Variants in ARHGAP35 observed in about 807,000 individuals in gnomAD.
The protein encoded by ARHGAP35 is rho GTPase-activating protein 35.
A neutral mutation model predicts 111.1 loss-of-function variants in ARHGAP35; 15 were observed. The observed-to-expected ratio is 0.13, with a 90% confidence interval of 0.09 to 0.21. ARHGAP35 has a LOEUF of 0.21. ARHGAP35 is among the 10% of genes least tolerant of loss of function. The pLI is 1.00. For missense variants in ARHGAP35, 1,262 were observed against 1,873.0 expected, an observed-to-expected ratio of 0.67 and a Z score of 6.02; for synonymous variants, 643 against 710.3, an observed-to-expected ratio of 0.91 and a Z score of 1.51.
At position 47,002,212 on chromosome 19, in the gene ARHGAP35, A is replaced by G. The variant is rs1568493147; in HGVS notation, c.*1524A>G. ...AGCCCTTGGGGCTCGTTGCACTTTA[A>G]GAAATAGGATCTGTGGTGTATTCCA... On this transcript the variant is annotated 3_prime_UTR_variant, in exon 7 of 7. Coordinates refer to ENST00000672722, the MANE Select transcript of ARHGAP35 (RefSeq NM_004491.5). 1 of 152,724 alleles carries G rather than the reference A, an allele frequency of 6.5e-6. No homozygotes were observed. The highest frequency in any genetic ancestry group is 6.5e-5 in the Admixed American group (1 of 15,292). The allele number at this position is 152,724 out of a possible 1,614,324, so 9.5% of individuals were successfully genotyped here. A position where few individuals can be genotyped will look rare whatever the true frequency, so the allele number is the denominator to read the frequency against.
chr19:46,864,557 A>G (rs1488410526), intron 1 of ARHGAP35, among the ~76,000 whole-genome samples: 1 of 152,250 alleles, frequency 6.6e-6, no homozygotes, highest in Non-Finnish European at 1.5e-5. Context: ...CATTTGAAAT[A>G]AAAACATTCA....
intron 1 of ARHGAP35, among the ~76,000 whole-genome samples, chr19:46,905,372 CTT>C (rs746861698): frequency 1.3e-4 from 18 of 135,486 alleles, no homozygotes; most frequent in Admixed American, 3.0e-4. Context: ...AGAACTTAAA[CTT>C]TTTTTTTTTT....
intron 3 of ARHGAP35, among the ~76,000 whole-genome samples, chr19:46,968,195 G>A (rs536977615): frequency 1.2e-4 from 19 of 152,338 alleles, no homozygotes; most frequent in African/African-American, 4.6e-4. Context: ...AGAAAGGGAG[G>A]AGGAAGAAGA....
chr19:47,000,733 CG>C lies in ARHGAP35; in HGVS notation c.*49del. 1.3e-6 allele frequency: 2 copies of C among 1,527,088 alleles called. No homozygotes were observed. Among genetic ancestry groups the C allele is most frequent in the Non-Finnish European group, 1.8e-6 (2 of 1,134,416 alleles). The allele number at this position is 1,527,088 out of a possible 1,614,324, so 94.6% of individuals were successfully genotyped here. A position where few individuals can be genotyped will look rare whatever the true frequency, so the allele number is the denominator to read the frequency against. On this transcript the variant is annotated 3_prime_UTR_variant, in exon 7 of 7. Transcript: ENST00000672722. The surrounding 1 kb of genome is among the most constrained non-coding windows in gnomAD (Gnocchi z 6.9). Reference sequence around the variant, plus strand: ...ACAGGAGAACCGGTCCTCTCTCTGACGGGGTGGCATTTGGCCTTGAACAAAA... The same window carrying C: ...ACAGGAGAACCGGTCCTCTCTCTGACGGGTGGCATTTGGCCTTGAACAAAA...
At chr19:46,891,434 GTT>G (rs559523497) in intron 1 of ARHGAP35, among the ~76,000 whole-genome samples, 1 of 135,774 alleles carries the variant, frequency 7.4e-6, no homozygotes. Flanking sequence ...TTTTTTTTTT[GTT>G]TTTTTTTTTT....
chr19:46,983,054 CAAAAAAAA>C (rs71179281), intron 3 of ARHGAP35, among the ~76,000 whole-genome samples: 27 of 47,652 alleles, frequency 5.7e-4, no homozygotes, highest in East Asian at 2.7e-3. Flanking sequence ...ACCTTGTGTA[CAAAAAAAA>C]AAAAAAAAAA....
intron 1 of ARHGAP35, among the ~76,000 whole-genome samples, chr19:46,882,806 T>C (rs531951532): frequency 6.6e-6 from 1 of 152,340 alleles, no homozygotes; most frequent in African/African-American, 2.4e-5. Flanking sequence ...TCCAGCTTCA[T>C]CCATGTCCCT....
At chr19:46,904,879 A>C (rs1417370943) in intron 1 of ARHGAP35, among the ~76,000 whole-genome samples, 1 of 152,108 alleles carries the variant, frequency 6.6e-6, no homozygotes, top group African/African-American at 2.4e-5. Context: ...ACTTGCCCCC[A>C]GCGTCTCCCA....
intron 5 of ARHGAP35, among the ~76,000 whole-genome samples, chr19:46,998,767 G>A (rs1037582526): frequency 7.2e-5 from 11 of 152,254 alleles, no homozygotes; most frequent in Non-Finnish European, 1.3e-4. Context: ...CTTTGGTGAA[G>A]TGCATAAGAA....
In ARHGAP35 at chr19:46,994,244, T is replaced by C. The variant is rs960238584; in HGVS notation, c.4036+4569T>C. Reference sequence around the variant, plus strand: ...GAGCCCATTGCCCCTGCTGTTTCTTTGGCCAGTGTAGACACCTGGCCGGGC... The same window carrying C: ...GAGCCCATTGCCCCTGCTGTTTCTTCGGCCAGTGTAGACACCTGGCCGGGC... On this transcript the variant is annotated intron_variant, in intron 5 of 6. Transcript: ENST00000672722. This position sits in a 1 kb window ranked among gnomAD's most constrained non-coding sequence, Gnocchi z 5.4. Among the ~76,000 whole-genome samples, 4 of 152,130 alleles carry C rather than the reference T, an allele frequency of 2.6e-5. No homozygotes were observed. Among genetic ancestry groups the C allele is most frequent in the African/African-American group, 7.2e-5 (3 of 41,446 alleles).
intron 2 of ARHGAP35, among the ~76,000 whole-genome samples, chr19:46,923,883 T>G (rs911252121): frequency 2.7e-5 from 4 of 149,902 alleles, no homozygotes; most frequent in African/African-American, 9.9e-5. Context: ...TTCACGACAC[T>G]GTATTCCAGC....
chr19:46,949,557 C>T (rs1373930819), intron 3 of ARHGAP35, among the ~76,000 whole-genome samples: 2 of 152,172 alleles, frequency 1.3e-5, no homozygotes, highest in Non-Finnish European at 2.9e-5. Context: ...AAAAAGGGGT[C>T]TCATGTGACT....
chr19:46,864,008 C>T (rs1390094537), intron 1 of ARHGAP35, among the ~76,000 whole-genome samples: 3 of 152,238 alleles, frequency 2.0e-5, no homozygotes, highest in Admixed American at 1.3e-4. Context: ...ATTGCAGGCA[C>T]TCCCTGCCAC....
chr19:46,904,233 C>G (rs1323657942), intron 1 of ARHGAP35, among the ~76,000 whole-genome samples: 1 of 152,214 alleles, frequency 6.6e-6, no homozygotes, highest in Non-Finnish European at 1.5e-5. Flanking sequence ...GCTTCCGCAT[C>G]TGTGACGTGA....
At chr19:46,861,538 A>G (rs867087320) in intron 1 of ARHGAP35, among the ~76,000 whole-genome samples, 9 of 135,056 alleles carry the variant, frequency 6.7e-5, no homozygotes, top group Middle Eastern at 4.3e-3. Flanking sequence ...CCGGTTCCCA[A>G]TTCTGCGCCC....
intron 1 of ARHGAP35, among the ~76,000 whole-genome samples, chr19:46,905,561 C>T (rs910829556): frequency 6.8e-6 from 1 of 146,382 alleles, no homozygotes; most frequent in Non-Finnish European, 1.5e-5. Flanking sequence ...TTCCACCCCC[C>T]CCCCCCAAGA....
At chr19:46,996,441 C>T (rs2056708006) in intron 5 of ARHGAP35, among the ~76,000 whole-genome samples, 1 of 151,668 alleles carries the variant, frequency 6.6e-6, no homozygotes, top group South Asian at 2.1e-4. Context: ...ACTCCCACCC[C>T]TGCCCCTCCC....
chr19:46,888,221 G>C (rs1271609496), intron 1 of ARHGAP35, among the ~76,000 whole-genome samples: 2 of 133,108 alleles, frequency 1.5e-5, no homozygotes, highest in African/African-American at 5.6e-5. Context: ...CAAAGTGCTG[G>C]GGTTACAGGC....
intron 3 of ARHGAP35, among the ~76,000 whole-genome samples, chr19:46,959,139 C>T (rs1265603698): frequency 6.6e-6 from 1 of 152,140 alleles, no homozygotes; most frequent in African/African-American, 2.4e-5. Flanking sequence ...AGTGCAGTGG[C>T]ACAATCTCAC....
Sources: gnomAD v4.1 joint callset for allele counts (sites outside exome capture counted in the v4.1 genomes callset) on GRCh38, gnomAD v4.1.1 for gene constraint, Gnocchi (gnomAD v3.1) non-coding constraint, MANE v1.5 for transcripts, NCBI Gene and HGNC (gene_info 2026-07-23, HGNC 2026-07-21) for gene names.